The following GRID2 variants were observed in gnomAD, a reference collection of about 807,000 sequenced individuals.
GRID2 encodes the protein glutamate ionotropic receptor delta type subunit 2.
Under a neutral mutation model 114.8 loss-of-function variants are expected in GRID2, and 33 were observed. The observed-to-expected ratio is 0.29, with a 90% CI of 0.22 to 0.38. GRID2 has a LOEUF of 0.38. Ranked by LOEUF, GRID2 falls within the 10% of genes least tolerant of loss-of-function variation. The pLI is 1.00. For synonymous variants in GRID2, 505 were observed against 449.9 expected (o/e 1.12, Z -1.55); for missense variants, 1,184 against 1,257.7 (o/e 0.94, Z 0.89).
chr4:92,793,492 T>G lies in GRID2; in HGVS notation c.244+203206T>G, dbSNP rs1739692633. Among the ~76,000 whole-genome samples, 3 of 151,204 alleles carry G rather than the reference T, an allele frequency of 2.0e-5. No homozygotes were observed. The South Asian group carries it at 6.2e-4, about 31-fold the overall frequency. ...AAATAATTTGTACCACAAACCCCCA[T>G]GACACAAGTTTACCTATGTAACAAA... is the stretch of plus-strand genomic sequence containing the variant. On this transcript the variant is annotated intron_variant, in intron 2 of 15. Transcript: ENST00000282020.
At chr4:93,014,788 C>T (rs1482188054) in intron 2 of GRID2, among the ~76,000 whole-genome samples, 1 of 152,106 alleles carries the variant, frequency 6.6e-6, no homozygotes, top group Admixed American at 6.6e-5. Flanking sequence ...GATACACACA[C>T]GTGCATTAAT....
chr4:92,475,070 G>T (rs886362249), intron 1 of GRID2, among the ~76,000 whole-genome samples: 3 of 149,238 alleles, frequency 2.0e-5, no homozygotes, highest in Non-Finnish European at 4.4e-5. Context: ...GTATACATAT[G>T]CAACTAACTG....
intron 14 of GRID2, among the ~76,000 whole-genome samples, chr4:93,768,547 T>A (rs1443491710): frequency 1.3e-5 from 2 of 152,240 alleles, no homozygotes; most frequent in African/African-American, 4.8e-5. Flanking sequence ...CTGGTCAGGT[T>A]TTCTTCTTGT....
chr4:93,251,083 T>G (rs144964613), intron 8 of GRID2, among the ~76,000 whole-genome samples: 40 of 152,262 alleles, frequency 2.6e-4, no homozygotes, highest in African/African-American at 9.6e-4. Flanking sequence ...TTTCACAATA[T>G]GTGAAACTCT....
At chr4:93,334,490 T>C (rs1758825957) in intron 8 of GRID2, among the ~76,000 whole-genome samples, 1 of 152,188 alleles carries the variant, frequency 6.6e-6, no homozygotes, top group Non-Finnish European at 1.5e-5. Flanking sequence ...TATTATGAAA[T>C]TATGATGTGT....
At chr4:92,394,628 A>G (rs939060871) in intron 1 of GRID2, among the ~76,000 whole-genome samples, 5 of 151,994 alleles carry the variant, frequency 3.3e-5, no homozygotes, top group Non-Finnish European at 7.4e-5. Flanking sequence ...CCAATTAAAC[A>G]TAAATTTCAA....
intron 4 of GRID2, among the ~76,000 whole-genome samples, chr4:93,155,009 TC>T (rs1737052159): frequency 6.6e-6 from 1 of 151,904 alleles, no homozygotes; most frequent in Non-Finnish European, 1.5e-5. Context: ...TTGCCTGGGT[TC>T]CTACAATTTA....
chr4:93,678,572 A>T (rs1256374399), intron 14 of GRID2, among the ~76,000 whole-genome samples: 3 of 152,162 alleles, frequency 2.0e-5, no homozygotes, highest in African/African-American at 7.2e-5. Flanking sequence ...GACTAACAGC[A>T]GATCTCTCAG....
intron 12 of GRID2, among the ~76,000 whole-genome samples, chr4:93,492,593 A>G (rs1727126392): frequency 6.6e-6 from 1 of 151,798 alleles, no homozygotes; most frequent in African/African-American, 2.4e-5. Flanking sequence ...AGAGTATCAA[A>G]AGTTAGGTGA....
chr4:92,961,972 C>G (rs750128782), intron 2 of GRID2, among the ~76,000 whole-genome samples: 2 of 151,716 alleles, frequency 1.3e-5, no homozygotes, highest in African/African-American at 2.4e-5. Flanking sequence ...GAAAGGCATT[C>G]TTTATTACTT....
chr4:92,321,372 G>A (rs932257588), intron 1 of GRID2, among the ~76,000 whole-genome samples: 1 of 152,200 alleles, frequency 6.6e-6, no homozygotes, highest in Non-Finnish European at 1.5e-5. Context: ...GCTTGTGTGT[G>A]CGCAAAAACA....
chr4:92,628,759 G>A (rs974533121), intron 2 of GRID2, among the ~76,000 whole-genome samples: 4 of 152,146 alleles, frequency 2.6e-5, no homozygotes, highest in Admixed American at 6.6e-5. Flanking sequence ...GGGCTTCTCT[G>A]AGGGCAAATT....
intron 14 of GRID2, among the ~76,000 whole-genome samples, chr4:93,768,575 C>T (rs1021145489): frequency 1.3e-5 from 2 of 152,176 alleles, no homozygotes; most frequent in African/African-American, 4.8e-5. Flanking sequence ...GGTAAGATTA[C>T]TTCCCCTTTG....
chr4:92,827,881 G>T (rs1741838274), intron 2 of GRID2, among the ~76,000 whole-genome samples: 1 of 152,008 alleles, frequency 6.6e-6, no homozygotes, highest in Admixed American at 6.6e-5. Flanking sequence ...GCAGGAATAT[G>T]CTGTCAAGTC....
At chr4:92,867,717 G>T (rs1048226948) in intron 2 of GRID2, among the ~76,000 whole-genome samples, 2 of 151,994 alleles carry the variant, frequency 1.3e-5, no homozygotes, top group Non-Finnish European at 2.9e-5. Context: ...GCATTCCAGG[G>T]TATCTGTCGT....
chr4:92,675,388 C>G (rs1195317696), intron 2 of GRID2, among the ~76,000 whole-genome samples: 1 of 152,104 alleles, frequency 6.6e-6, no homozygotes, highest in African/African-American at 2.4e-5. Flanking sequence ...CCAAAAATTT[C>G]TCTTCAGAAT....
chr4:92,637,468 T>C (rs950704240), intron 2 of GRID2, among the ~76,000 whole-genome samples: 5 of 152,014 alleles, frequency 3.3e-5, no homozygotes, highest in Admixed American at 2.0e-4. Flanking sequence ...ATACTTGGAG[T>C]TGTATTGTGA....
chr4:92,693,693 G>A (rs1163152723), intron 2 of GRID2, among the ~76,000 whole-genome samples: 2 of 152,136 alleles, frequency 1.3e-5, no homozygotes, highest in Non-Finnish European at 2.9e-5. Context: ...TTATAGCCGG[G>A]CCCTGCTGGA....
chr4:92,627,086 G>A (rs1730558308), intron 2 of GRID2, among the ~76,000 whole-genome samples: 1 of 152,040 alleles, frequency 6.6e-6, no homozygotes, highest in South Asian at 2.1e-4. Context: ...CTGATATGAA[G>A]ACATTTTGCA....
Sources: gnomAD v4.1 joint callset for allele counts (sites outside exome capture counted in the v4.1 genomes callset) on GRCh38, gnomAD v4.1.1 for gene constraint, MANE v1.5 for transcripts, NCBI Gene and HGNC (gene_info 2026-07-23, HGNC 2026-07-21) for gene names.